The following HS6ST2 variants were observed in gnomAD, a reference collection of about 807,000 sequenced individuals.
The protein encoded by HS6ST2 is heparan-sulfate 6-O-sulfotransferase 2.
In HS6ST2, 17 loss-of-function variants were observed where a neutral mutation model predicts 33.0. The observed-to-expected ratio is 0.52, with a 90% CI of 0.35 to 0.77. The LOEUF (loss-of-function observed/expected upper bound fraction) is 0.77. Ranked by LOEUF, HS6ST2 falls within the 30% of genes least tolerant of loss-of-function variation. The pLI is 0.01. For missense variants in HS6ST2, 519 were observed against 551.7 expected, an observed-to-expected ratio of 0.94 and a Z score of 0.59; for synonymous variants, 248 against 237.1, an observed-to-expected ratio of 1.05 and a Z score of -0.42.
intron 2 of HS6ST2, among the ~76,000 whole-genome samples, chrX:132,873,034 A>T (rs1222901976): frequency 1.8e-5 from 2 of 111,307 alleles, no homozygotes; most frequent in African/African-American, 3.3e-5. Context: ...TCAAAACTGC[A>T]TTAAGGCCAG....
At chrX:132,873,355 G>A (rs184912365) in intron 2 of HS6ST2, among the ~76,000 whole-genome samples, 15 of 111,716 alleles carry the variant, frequency 1.3e-4, no homozygotes, top group Admixed American at 1.2e-3. Flanking sequence ...AAGAAGCTTT[G>A]GGTCATCACT....
rs2063565937 is a variant in HS6ST2 at position 132,637,849 on chromosome X, TA to T, written c.1068-8757del. The stretch of plus-strand genomic sequence containing the variant: ...AATATTATATATAATATTTTATATA[TA>T]ATATATATATAATATATTATATATA... On this transcript the variant is annotated intron_variant, in intron 4 of 4. Transcript: ENST00000370833. Among the ~76,000 whole-genome samples the T allele has an allele frequency of 7.7e-5, 3 of 38,831 alleles. No individual in the cohort carries two copies. In the African/African-American group the frequency reaches 1.6e-3, roughly 21 times the overall value. 33.7% of individuals were successfully genotyped at this position (38,831 alleles called of 115,157 possible).
At chrX:132,892,243 T>A (rs1258064712) in intron 2 of HS6ST2, among the ~76,000 whole-genome samples, 1 of 112,296 alleles carries the variant, frequency 8.9e-6, no homozygotes, top group Non-Finnish European at 1.9e-5. Flanking sequence ...GTTAAAAATG[T>A]CCAATCCGGT....
chrX:132,947,204 T>TAC (rs1491183230), intron 2 of HS6ST2, among the ~76,000 whole-genome samples: 1 of 109,185 alleles, frequency 9.2e-6, no homozygotes, highest in Non-Finnish European at 1.9e-5. Context: ...GTGCAGATTT[T>TAC]ATATATATAT....
Position 132,803,719 on chromosome X carries a change from T to C in HS6ST2, c.948-95225A>G, listed in dbSNP as rs147174399. On this transcript the variant is annotated intron_variant, in intron 2 of 4. Transcript: ENST00000370833. ...CCACAGTGCCAGGTCCTCAGATGCA[T>C]TTTAGAATTTCAAAAATTTTCTTAG... Among the ~76,000 whole-genome samples, 24 of 112,166 alleles carry C rather than the reference T, an allele frequency of 2.1e-4. 1 individual carries two copies. The East Asian group carries it at 6.7e-3, about 31-fold the overall frequency.
Position 132,958,228 on chromosome X carries a change from C to G in HS6ST2, c.375G>C (p.Ser125=), listed in dbSNP as rs760842243. The change falls in exon 1 of 5, where the codon TCG becomes TCC. Residue 125 remains serine (S), a synonymous_variant. Transcript: ENST00000370833. The part of the protein sequence containing the change: ...LTRGLAALGH[S]LKHVLGAIFS... Reference sequence around the variant, plus strand: ...AGATCGCACCGAGCACGTGCTTCAGCGAGTGGCCCAGGGCGGCCAGGCCCC... The same window carrying G: ...AGATCGCACCGAGCACGTGCTTCAGGGAGTGGCCCAGGGCGGCCAGGCCCC... The G allele has an allele frequency of 3.0e-5, 35 of 1,171,713 alleles. No individual in the cohort carries two copies. The South Asian group carries it at 6.2e-4, about 21-fold the overall frequency.
intron 2 of HS6ST2, chrX:132,758,180 G>A (rs1043270089): frequency 8.9e-6 from 1 of 112,437 alleles, no homozygotes; most frequent in Non-Finnish European, 1.9e-5. Flanking sequence ...TTCAGTCACG[G>A]ATAATGGCCA....
intron 2 of HS6ST2, among the ~76,000 whole-genome samples, chrX:132,740,785 C>T (rs1443808649): frequency 1.8e-5 from 2 of 110,596 alleles, no homozygotes; most frequent in Non-Finnish European, 3.8e-5. Flanking sequence ...GAAGCAGCTG[C>T]TGAAACTGAG....
At chrX:132,908,515 G>C (rs191171313) in intron 2 of HS6ST2, among the ~76,000 whole-genome samples, 1 of 112,495 alleles carries the variant, frequency 8.9e-6, no homozygotes, top group East Asian at 2.8e-4. Flanking sequence ...ATCAACCAAT[G>C]AATGAATAAA....
At chrX:132,865,439 C>T (rs775364659) in intron 2 of HS6ST2, among the ~76,000 whole-genome samples, 107 of 109,439 alleles carry the variant, frequency 9.8e-4, no homozygotes, top group Non-Finnish European at 1.6e-3. Flanking sequence ...AATAAACATA[C>T]GTGTGCATGT....
chrX:132,862,872 C>G (rs1386706773), intron 2 of HS6ST2, among the ~76,000 whole-genome samples: 1 of 111,730 alleles, frequency 9.0e-6, no homozygotes, highest in African/African-American at 3.3e-5. Flanking sequence ...CACGAAGTAC[C>G]TACAAGGAAA....
intron 2 of HS6ST2, among the ~76,000 whole-genome samples, chrX:132,752,733 T>C (rs905319383): frequency 8.9e-6 from 1 of 112,241 alleles, no homozygotes; most frequent in Non-Finnish European, 1.9e-5. Flanking sequence ...GTTAAAGCAG[T>C]GTCTCTACCC....
chrX:132,929,279 G>C (rs1253913387), intron 2 of HS6ST2, among the ~76,000 whole-genome samples: 1 of 110,780 alleles, frequency 9.0e-6, no homozygotes, highest in African/African-American at 3.3e-5. Flanking sequence ...GGACAAGACA[G>C]AGTATACACA....
At chrX:132,659,528 A>T (rs2063755447) in intron 4 of HS6ST2, among the ~76,000 whole-genome samples, 1 of 110,806 alleles carries the variant, frequency 9.0e-6, no homozygotes, top group African/African-American at 3.3e-5. Flanking sequence ...GTGATATTTC[A>T]CCACTCCCCA....
Position 132,805,722 on chromosome X carries a change from C to G in HS6ST2, c.948-97228G>C, listed in dbSNP as rs575807544. Reference sequence around the variant, plus strand: ...TAAATGGGAAAAACTCCTGCCCCCACTTTCACATCCAAAAGTGGGCATTTT... The same window carrying G: ...TAAATGGGAAAAACTCCTGCCCCCAGTTTCACATCCAAAAGTGGGCATTTT... On this transcript the variant is annotated intron_variant, in intron 2 of 4. Coordinates refer to ENST00000370833, the MANE Select transcript of HS6ST2 (RefSeq NM_001394073.1). Among the ~76,000 whole-genome samples the G allele has an allele frequency of 3.6e-5, 4 of 110,298 alleles. No homozygotes were observed. In the South Asian group the frequency reaches 1.1e-3, roughly 32 times the overall value.
chrX:132,794,761 T>C (rs1028057276), intron 2 of HS6ST2, among the ~76,000 whole-genome samples: 2 of 110,872 alleles, frequency 1.8e-5, no homozygotes, highest in Admixed American at 9.7e-5. Flanking sequence ...CAGTGCCTAA[T>C]GGGAAAGGAT....
Position 132,758,383 on chromosome X carries a change from A to G in HS6ST2, c.948-49889T>C, listed in dbSNP as rs758817645. 9 of 112,117 alleles carry G rather than the reference A, an allele frequency of 8.0e-5. No individual in the cohort carries two copies. In the South Asian group the frequency reaches 3.0e-3, roughly 38 times the overall value. 9.2% of individuals were successfully genotyped at this position (112,117 alleles called of 1,213,427 possible). On this transcript the variant is annotated intron_variant, in intron 2 of 4. Coordinates refer to ENST00000370833, the MANE Select transcript of HS6ST2 (RefSeq NM_001394073.1). Reference sequence around the variant, plus strand: ...ATGCAAGACCCAACAGAGGAAGCACATTCAAGTTACAGACACTCTTCATAT... The same window carrying G: ...ATGCAAGACCCAACAGAGGAAGCACGTTCAAGTTACAGACACTCTTCATAT...
At chrX:132,665,727 C>T (rs1423876374) in intron 4 of HS6ST2, among the ~76,000 whole-genome samples, 1 of 104,525 alleles carries the variant, frequency 9.6e-6, no homozygotes, top group African/African-American at 3.6e-5. Flanking sequence ...TTCCTGATCT[C>T]AGTGACACAG....
At chrX:132,911,396 C>T (rs1418719991) in intron 2 of HS6ST2, among the ~76,000 whole-genome samples, 1 of 111,105 alleles carries the variant, frequency 9.0e-6, no homozygotes, top group Non-Finnish European at 1.9e-5. Context: ...AGTAATTGTC[C>T]ATTGGGAGTT....
Sources: allele counts gnomAD v4.1 joint callset (sites outside exome capture counted in the v4.1 genomes callset), GRCh38; gene constraint gnomAD v4.1.1; transcripts MANE v1.5; gene names NCBI Gene and HGNC (gene_info 2026-07-23, HGNC 2026-07-21).